The following DLGAP1 variants were observed in gnomAD, a reference collection of about 807,000 sequenced individuals.
The protein encoded by DLGAP1 is disks large-associated protein 1.
In DLGAP1, 11 loss-of-function variants were observed where a neutral mutation model predicts 90.8. That is an observed-to-expected ratio of 0.12 (90% CI 0.08 to 0.20). The LOEUF (loss-of-function observed/expected upper bound fraction) is 0.20, where lower values mean the gene tolerates loss of function less well. DLGAP1 is among the 10% of genes least tolerant of loss of function. The probability of loss-of-function intolerance (pLI) is 1.00; values close to 1 mark genes in which losing one functional copy is unlikely to be tolerated. For missense variants in DLGAP1, 1,050 were observed against 1,333.8 expected (o/e 0.79, Z 3.31); for synonymous variants, 558 against 540.7 (o/e 1.03, Z -0.44).
At chr18:3,987,638 T>A (rs1450058134) in intron 3 of DLGAP1, among the ~76,000 whole-genome samples, 1 of 152,236 alleles carries the variant, frequency 6.6e-6, no homozygotes. Context: ...TTCACTTTTA[T>A]AATTTTCTTA....
At chr18:3,964,028 T>C (rs1247980819) in intron 3 of DLGAP1, among the ~76,000 whole-genome samples, 1 of 152,188 alleles carries the variant, frequency 6.6e-6, no homozygotes, top group Non-Finnish European at 1.5e-5. Flanking sequence ...ATCGTATACG[T>C]GGCTTGGGTT....
intron 7 of DLGAP1, among the ~76,000 whole-genome samples, chr18:3,587,452 T>G (rs1241222419): frequency 6.6e-6 from 1 of 152,120 alleles, no homozygotes; most frequent in Non-Finnish European, 1.5e-5. Flanking sequence ...TCAGCACCTG[T>G]GTCTAGCTAA....
intron 5 of DLGAP1, among the ~76,000 whole-genome samples, chr18:3,782,159 C>G (rs1439023101): frequency 6.8e-6 from 1 of 147,812 alleles, no homozygotes; most frequent in Admixed American, 6.8e-5. Context: ...TTTTTTTGGA[C>G]AGAGCCTTGT....
intron 1 of DLGAP1, among the ~76,000 whole-genome samples, chr18:4,298,720 A>G (rs977232132): frequency 6.6e-6 from 1 of 151,966 alleles, no homozygotes; most frequent in Admixed American, 6.6e-5. Flanking sequence ...ACATGTATAC[A>G]TATGTAACTA....
At chr18:4,123,708 C>T (rs920412626) in intron 2 of DLGAP1, among the ~76,000 whole-genome samples, 8 of 152,266 alleles carry the variant, frequency 5.3e-5, no homozygotes, top group African/African-American at 1.4e-4. Context: ...CCTGCGAATA[C>T]AAAAAGCGGA....
At chr18:3,619,010 C>G (rs1365287421) in intron 7 of DLGAP1, among the ~76,000 whole-genome samples, 1 of 151,966 alleles carries the variant, frequency 6.6e-6, no homozygotes, top group Non-Finnish European at 1.5e-5. Flanking sequence ...TGGCGTCCTT[C>G]TAAGAAGAGA....
chr18:3,522,546 C>CTTTTTTT (rs532794429), intron 10 of DLGAP1, among the ~76,000 whole-genome samples: 1 of 116,550 alleles, frequency 8.6e-6, no homozygotes, highest in Non-Finnish European at 1.7e-5. Context: ...GCAGTCAACT[C>CTTTTTTT]TTTTTTTTTT....
chr18:4,112,096 T>C (rs1279281344), intron 2 of DLGAP1, among the ~76,000 whole-genome samples: 1 of 151,994 alleles, frequency 6.6e-6, no homozygotes, highest in African/African-American at 2.4e-5. Flanking sequence ...GATCACTGCT[T>C]TAGCTACAAT....
chr18:4,095,260 A>G lies in DLGAP1; in HGVS notation c.-159+55920T>C, dbSNP rs539606106. Among the ~76,000 whole-genome samples, 10 of 152,270 alleles carry G rather than the reference A, an allele frequency of 6.6e-5. No individual in the cohort carries two copies. In the East Asian group the frequency reaches 1.5e-3, roughly 24 times the overall value. ...GGTTTCATAAATTTGTGCCATTAAC[A>G]AAGTTTTGGAAAGAGAATAAACAGA... On this transcript the variant is annotated intron_variant, in intron 2 of 12. Transcript: ENST00000315677.
intron 4 of DLGAP1, chr18:3,822,116 G>A (rs188871684): frequency 1.2e-5 from 6 of 519,222 alleles, no homozygotes; most frequent in Non-Finnish European, 1.5e-5. Flanking sequence ...ATCAGGAGAA[G>A]ATTTCCCTGG....
chr18:3,893,423 A>G (rs949976102), intron 3 of DLGAP1, among the ~76,000 whole-genome samples: 12 of 151,884 alleles, frequency 7.9e-5, no homozygotes, highest in African/African-American at 2.7e-4. Context: ...CTAAAAAAAT[A>G]CAAAAATTAG....
chr18:3,847,938 G>A (rs1452639141), intron 4 of DLGAP1, among the ~76,000 whole-genome samples: 15 of 151,834 alleles, frequency 9.9e-5, no homozygotes, highest in South Asian at 4.2e-4. Context: ...AGACCTCCCT[G>A]GGCAACAGAG....
At chr18:3,580,386 C>A in intron 8 of DLGAP1, 1 of 1,613,932 alleles carries the variant, frequency 6.2e-7, no homozygotes, top group South Asian at 1.1e-5. Context: ...AGCCACATAC[C>A]TAAGCACCAG....
intron 1 of DLGAP1, among the ~76,000 whole-genome samples, chr18:4,280,385 C>T (rs2079521086): frequency 6.6e-6 from 1 of 152,148 alleles, no homozygotes; most frequent in African/African-American, 2.4e-5. Context: ...CATGGTCTTA[C>T]TTAAAACAAA....
At chr18:4,133,883 T>C (rs969616839) in intron 2 of DLGAP1, among the ~76,000 whole-genome samples, 4 of 151,770 alleles carry the variant, frequency 2.6e-5, no homozygotes, top group African/African-American at 9.7e-5. Flanking sequence ...GGCAGGGATT[T>C]AAAAGGACTT....
At chr18:3,740,167 T>G (rs779628191) in intron 6 of DLGAP1, among the ~76,000 whole-genome samples, 1 of 152,232 alleles carries the variant, frequency 6.6e-6, no homozygotes, top group Non-Finnish European at 1.5e-5. Flanking sequence ...GTATTCTGCA[T>G]GTATGACCCC....
chr18:3,995,262 T>C (rs950391246), intron 3 of DLGAP1: 1 of 152,156 alleles, frequency 6.6e-6, no homozygotes, highest in Non-Finnish European at 1.5e-5. Flanking sequence ...GCTCTCAGAA[T>C]ATTCTTAAAA....
At chr18:4,013,753 T>C (rs1224681529) in intron 2 of DLGAP1, 1 of 152,188 alleles carries the variant, frequency 6.6e-6, no homozygotes, top group African/African-American at 2.4e-5. Context: ...AGTTGTCCAT[T>C]TGTGGATTTA....
At chr18:3,674,191 C>T (rs2060202164) in intron 7 of DLGAP1, among the ~76,000 whole-genome samples, 1 of 151,678 alleles carries the variant, frequency 6.6e-6, no homozygotes, top group Admixed American at 6.6e-5. Flanking sequence ...TGGCGCATGC[C>T]TGTAATCCCA....
Sources: gnomAD v4.1 joint callset for allele counts (sites outside exome capture counted in the v4.1 genomes callset) on GRCh38, gnomAD v4.1.1 for gene constraint, MANE v1.5 for transcripts, NCBI Gene and HGNC (gene_info 2026-07-23, HGNC 2026-07-21) for gene names.